Variants in CSMD3 observed in about 807,000 individuals in gnomAD.
The protein encoded by CSMD3 is CUB and Sushi multiple domains 3.
CSMD3 carries 177 observed loss-of-function variants against 435.2 expected under a neutral mutation model. The ratio of observed to expected loss-of-function variants is 0.41; its 90% CI spans 0.36 to 0.46. The LOEUF (loss-of-function observed/expected upper bound fraction) is 0.46, where lower values mean the gene tolerates loss of function less well. Ranked by LOEUF, CSMD3 falls within the 20% of genes least tolerant of loss-of-function variation. CSMD3 has a pLI of 0.34. For synonymous variants in CSMD3, 1,656 were observed against 1,520.5 expected (o/e 1.09, Z -2.07); for missense variants, 4,265 against 4,504.6 (o/e 0.95, Z 1.52).
intron 54 of CSMD3, 79 bp from the exon 55 acceptor site, chr8:112,292,789 A>G: frequency 1.3e-5 from 16 of 1,223,954 alleles, no homozygotes; most frequent in Non-Finnish European, 1.9e-5. Context: ...ATTATTGATT[A>G]TACTTAATCA....
chr8:112,397,035 T>C (rs1242231954), intron 35 of CSMD3, among the ~76,000 whole-genome samples: 1 of 152,178 alleles, frequency 6.6e-6, no homozygotes, highest in Non-Finnish European at 1.5e-5. Flanking sequence ...CACTTTGATA[T>C]TAACGTAAGA....
intron 13 of CSMD3, among the ~76,000 whole-genome samples, chr8:112,760,509 GAA>G (rs758060853): frequency 2.0e-5 from 3 of 152,002 alleles, no homozygotes; most frequent in Non-Finnish European, 4.4e-5. Context: ...TAACTTCTAT[GAA>G]AAGTTATTAC....
intron 5 of CSMD3, among the ~76,000 whole-genome samples, chr8:113,067,357 A>T (rs1564275882): frequency 1.3e-5 from 2 of 152,114 alleles, no homozygotes; most frequent in Admixed American, 6.5e-5. Flanking sequence ...ATGTCTTCAG[A>T]CTATTCATAA....
intron 42 of CSMD3, among the ~76,000 whole-genome samples, chr8:112,339,669 A>G (rs926943603): frequency 4.6e-5 from 7 of 152,154 alleles, no homozygotes; most frequent in African/African-American, 1.7e-4. Flanking sequence ...AATAACATTA[A>G]TTTTCAAACT....
At chr8:112,636,725 T>C (rs1427764789) in intron 22 of CSMD3, 92 bp downstream of exon 22, 1 of 1,093,260 alleles carries the variant, frequency 9.1e-7, no homozygotes. Flanking sequence ...AATGCAGAAA[T>C]TCAACAGATT....
chr8:113,209,987 T>C (rs944229502), intron 3 of CSMD3, among the ~76,000 whole-genome samples: 1 of 149,950 alleles, frequency 6.7e-6, no homozygotes, highest in African/African-American at 2.4e-5. Flanking sequence ...ACTAACCCGT[T>C]TTACTTCTCC....
chr8:112,396,833 A>C (rs1202836172), intron 35 of CSMD3, among the ~76,000 whole-genome samples: 5 of 152,212 alleles, frequency 3.3e-5, no homozygotes, highest in Non-Finnish European at 7.3e-5. Context: ...TGGTATAAAG[A>C]GTAAACGGTT....
chr8:113,356,716 A>T (rs1209215851), intron 1 of CSMD3, among the ~76,000 whole-genome samples: 2 of 152,154 alleles, frequency 1.3e-5, no homozygotes, highest in Non-Finnish European at 2.9e-5. Flanking sequence ...TTATTCTATC[A>T]AATATATGGA....
intron 57 of CSMD3, 76 bp from the exon 58 acceptor site, chr8:112,287,322 G>T: frequency 7.0e-7 from 1 of 1,429,064 alleles, no homozygotes; most frequent in Non-Finnish European, 9.9e-7. Context: ...CAAGGGCCTG[G>T]TAGGCATTTG....
chr8:113,282,532 G>C (rs193096079), intron 2 of CSMD3, among the ~76,000 whole-genome samples: 54 of 152,034 alleles, frequency 3.6e-4, no homozygotes, highest in South Asian at 1.9e-3. Context: ...TAAGCTAGGA[G>C]TCAAAAGACC....
chr8:112,391,450 C>A (rs1026096913), intron 35 of CSMD3, among the ~76,000 whole-genome samples: 1 of 152,176 alleles, frequency 6.6e-6, no homozygotes, highest in East Asian at 1.9e-4. Flanking sequence ...GTAATCCTAC[C>A]ACTTTGGGAG....
At chr8:112,672,846 CTG>C (rs1186670177) in intron 16 of CSMD3, among the ~76,000 whole-genome samples, 3 of 152,186 alleles carry the variant, frequency 2.0e-5, no homozygotes, top group Non-Finnish European at 2.9e-5. Flanking sequence ...AAAGAACCCA[CTG>C]TGTTTTAAGA....
chr8:112,901,940 T>C (rs1218863568), intron 10 of CSMD3, among the ~76,000 whole-genome samples: 6 of 151,344 alleles, frequency 4.0e-5, no homozygotes, highest in Non-Finnish European at 7.4e-5. Flanking sequence ...GCAAATTCCA[T>C]GTAACATTGT....
intron 11 of CSMD3, among the ~76,000 whole-genome samples, chr8:112,836,638 T>G (rs142314612): frequency 2.0e-5 from 3 of 151,884 alleles, no homozygotes; most frequent in African/African-American, 7.2e-5. Flanking sequence ...ATTACAACCA[T>G]CTCACAATAC....
intron 11 of CSMD3, among the ~76,000 whole-genome samples, chr8:112,830,364 G>T (rs949139430): frequency 6.6e-6 from 1 of 151,790 alleles, no homozygotes; most frequent in Non-Finnish European, 1.5e-5. Flanking sequence ...GGCAAAACTG[G>T]GAGCACAATA....
chr8:113,373,164 A>C (rs1260449269), intron 1 of CSMD3, among the ~76,000 whole-genome samples: 1 of 152,096 alleles, frequency 6.6e-6, no homozygotes, highest in Non-Finnish European at 1.5e-5. Flanking sequence ...TAAAGGAAAA[A>C]ATTTTGGCTA....
intron 13 of CSMD3, among the ~76,000 whole-genome samples, chr8:112,763,193 C>G (rs2077887260): frequency 6.6e-6 from 1 of 151,404 alleles, no homozygotes; most frequent in Non-Finnish European, 1.5e-5. Flanking sequence ...AAATAAAAAT[C>G]TTTGGCATCT....
intron 21 of CSMD3, 60 bp downstream of exon 21, chr8:112,638,636 C>T (rs2131587878): frequency 2.0e-6 from 2 of 998,566 alleles, no homozygotes; most frequent in East Asian, 4.9e-5. Context: ...ATGCTCATAT[C>T]TTGAAAAATT....
intron 3 of CSMD3, among the ~76,000 whole-genome samples, chr8:113,252,459 T>TC (rs1408728828): frequency 7.6e-6 from 1 of 131,616 alleles, no homozygotes; most frequent in East Asian, 1.9e-4. Flanking sequence ...ATTTTATGTA[T>TC]TTTTTTTTAC....
Sources: gnomAD v4.1 joint callset for allele counts (sites outside exome capture counted in the v4.1 genomes callset) on GRCh38, gnomAD v4.1.1 for gene constraint, MANE v1.5 for transcripts, NCBI Gene and HGNC (gene_info 2026-07-23, HGNC 2026-07-21) for gene names.